The following GAR1 variants were observed in gnomAD, a reference collection of about 807,000 sequenced individuals.
GAR1 encodes the protein H/ACA ribonucleoprotein complex subunit 1.
In GAR1, 11 loss-of-function variants were observed where a neutral mutation model predicts 29.3. That is an observed-to-expected ratio of 0.38 (90% confidence interval 0.24 to 0.62). GAR1 has a LOEUF of 0.62. Ranked by LOEUF, GAR1 falls within the 20% of genes least tolerant of loss-of-function variation. The pLI is 0.62. For missense variants in GAR1, 237 were observed against 268.4 expected, an observed-to-expected ratio of 0.88 and a Z score of 0.82; for synonymous variants, 87 against 93.3, an observed-to-expected ratio of 0.93 and a Z score of 0.39.
intron 2 of GAR1, among the ~76,000 whole-genome samples, chr4:109,816,744 A>G (rs1733364381): frequency 6.6e-6 from 1 of 152,182 alleles, no homozygotes; most frequent in Non-Finnish European, 1.5e-5. Context: ...CTGTAATCCC[A>G]ACACTTTGGG....
At chr4:109,816,078 C>A in intron 1 of GAR1, 75 bp from the exon 2 acceptor site, 1 of 1,400,248 alleles carries the variant, frequency 7.1e-7, no homozygotes, top group Non-Finnish European at 1.0e-6. Context: ...GGTGTTCTCA[C>A]CGCAGCTCCG....
chr4:109,816,097 G>A (rs1287896740), intron 1 of GAR1, 56 bp from the exon 2 acceptor site: 3 of 1,502,670 alleles, frequency 2.0e-6, no homozygotes, highest in Non-Finnish European at 2.8e-6. Context: ...CGAGGGGTTG[G>A]AGTATACTCA....
intron 5 of GAR1, 49 bp from the exon 6 acceptor site, chr4:109,823,915 TC>T: frequency 8.5e-7 from 1 of 1,177,102 alleles, no homozygotes; most frequent in Non-Finnish European, 1.3e-6. Context: ...ATTATTATAT[TC>T]TATTGTTATT....
chr4:109,824,733 CTTAAG>C (rs781317843), exon 7 of GAR1: 66 of 265,966 alleles, frequency 2.5e-4, no homozygotes, highest in Non-Finnish European at 4.1e-4. Flanking sequence ...GTTTTATTCC[CTTAAG>C]TTATTTAGAG....
chr4:109,822,066 T>C (rs1733527697), intron 4 of GAR1, among the ~76,000 whole-genome samples: 1 of 146,418 alleles, frequency 6.8e-6, no homozygotes, highest in Admixed American at 7.0e-5. Context: ...ACCTAGATGA[T>C]GGGTTGATAG....
At chr4:109,824,390 C>T in intron 6 of GAR1, 28 bp from the exon 7 acceptor site, 1 of 1,526,360 alleles carries the variant, frequency 6.6e-7, no homozygotes, top group Non-Finnish European at 9.1e-7. Flanking sequence ...TTTCTGTGCC[C>T]TTAATACTTT....
In GAR1 at chr4:109,816,269, T is replaced by C. The variant is rs1173014225; in HGVS notation, c.105T>C (p.Gly35=). ...SSNHFRGGGG[G]GGGGNFRGGG... ...ACCACTTCCGAGGTGGAGGCGGCGG[T>C]GGAGGCGGCGGCAATTTCAGAGGCG... is the stretch of plus-strand genomic sequence containing the variant. The change falls in exon 2 of 7, where the codon GGT becomes GGC. Residue 35 remains glycine (G), a synonymous_variant. Transcript: ENST00000226796. 1.9e-6 allele frequency: 3 copies of C among 1,609,114 alleles called. No homozygotes were observed. Among genetic ancestry groups the C allele is most frequent in the Admixed American group, 3.4e-5 (2 of 59,586 alleles).
At chr4:109,819,361 T>G in intron 4 of GAR1, 2 of 363,680 alleles carry the variant, frequency 5.5e-6, no homozygotes, top group South Asian at 6.3e-5. Flanking sequence ...GACCAAACAT[T>G]CTAGGTAGAA....
intron 3 of GAR1, among the ~76,000 whole-genome samples, chr4:109,818,485 C>CTT (rs1398302280): frequency 6.7e-6 from 1 of 149,354 alleles, no homozygotes; most frequent in Non-Finnish European, 1.5e-5. Flanking sequence ...CTCTCTCTTT[C>CTT]TCTCTCTCTT....
chr4:109,816,118 T>G, intron 1 of GAR1, 35 bp from the exon 2 acceptor site: 1 of 1,583,722 alleles, frequency 6.3e-7, no homozygotes, highest in Non-Finnish European at 8.7e-7. Flanking sequence ...GAGGCTACAG[T>G]GATCAGAAGA....
At chr4:109,823,030 T>C (rs1403440704) in intron 5 of GAR1, among the ~76,000 whole-genome samples, 1 of 152,246 alleles carries the variant, frequency 6.6e-6, no homozygotes, top group Non-Finnish European at 1.5e-5. Flanking sequence ...GTGATCTCAC[T>C]GTTGTGATGT....
intron 5 of GAR1, among the ~76,000 whole-genome samples, chr4:109,823,163 G>T (rs1334462386): frequency 6.6e-6 from 1 of 152,166 alleles, no homozygotes; most frequent in East Asian, 1.9e-4. Context: ...GCTCTGGGGA[G>T]TGGGGCTGCC....
chr4:109,820,139 G>A (rs1039036303), intron 4 of GAR1, among the ~76,000 whole-genome samples: 3 of 152,190 alleles, frequency 2.0e-5, no homozygotes, highest in Non-Finnish European at 4.4e-5. Flanking sequence ...TTTGGACTCG[G>A]TAGTGACAGT....
At chr4:109,820,011 T>A (rs1383137076) in intron 4 of GAR1, among the ~76,000 whole-genome samples, 2 of 152,176 alleles carry the variant, frequency 1.3e-5, no homozygotes, top group Non-Finnish European at 2.9e-5. Flanking sequence ...GATAACACAG[T>A]TAAATGAATG....
In GAR1 at chr4:109,822,157, A is replaced by T. The variant is rs1278838339; in HGVS notation, c.430-190A>T. 1.0e-2 allele frequency among the ~76,000 whole-genome samples: 184 copies of T among 18,472 alleles called. 2 individuals carry two copies. Among genetic ancestry groups the T allele is most frequent in the African/African-American group, 0.016 (179 of 10,872 alleles). The allele number at this position is 18,472 out of a possible 152,430, so 12.1% of individuals were successfully genotyped here. ...CACATGTATCCCAGAACTTAAGGTA[A>T]AAAAAAAAAAAAAAAAAAAAAAGAA... On this transcript the variant is annotated intron_variant, in intron 4 of 6. Coordinates refer to ENST00000226796, the MANE Select transcript of GAR1 (RefSeq NM_018983.4).
At chr4:109,823,905 A>T in intron 5 of GAR1, 60 bp from the exon 6 acceptor site, 3 of 1,074,512 alleles carry the variant, frequency 2.8e-6, no homozygotes, top group Non-Finnish European at 1.4e-6. Context: ...TAACTTAATG[A>T]TTATTATATT....
At chr4:109,815,971 C>G (rs1205710182) in intron 1 of GAR1, 167 bp downstream of exon 1, 1 of 667,918 alleles carries the variant, frequency 1.5e-6, no homozygotes, top group African/African-American at 1.8e-5. Context: ...TCGGCGCTCA[C>G]GAGACCATGG....
At chr4:109,822,155 TAAAAAAAAAA>T (rs59097048) in intron 4 of GAR1, among the ~76,000 whole-genome samples, 182 bp from the exon 5 acceptor site, 16 of 101,626 alleles carry the variant, frequency 1.6e-4, no homozygotes, top group South Asian at 3.7e-4. Flanking sequence ...GAACTTAAGG[TAAAAAAAAAA>T]AAAAAAAAAA....
chr4:109,815,932 A>C (rs1196607477), intron 1 of GAR1, 128 bp downstream of exon 1: 4 of 589,336 alleles, frequency 6.8e-6, no homozygotes, highest in East Asian at 2.9e-5. Flanking sequence ...GATACTAATC[A>C]TGGGGCGGCA....
Sources: gnomAD v4.1 joint callset for allele counts (sites outside exome capture counted in the v4.1 genomes callset) on GRCh38, gnomAD v4.1.1 for gene constraint, MANE v1.5 for transcripts, NCBI Gene and HGNC (gene_info 2026-07-23, HGNC 2026-07-21) for gene names.